The following UBE2E2 variants were observed in gnomAD, a reference collection of about 807,000 sequenced individuals.
UBE2E2 encodes ubiquitin-conjugating enzyme E2 E2.
In UBE2E2, 6 loss-of-function variants were observed where a neutral mutation model predicts 24.7. The ratio of observed to expected loss-of-function variants is 0.24; its 90% CI spans 0.13 to 0.48. The LOEUF is 0.48. Among genes scored for constraint, UBE2E2 ranks in the 20% least tolerant of loss-of-function variants. UBE2E2 has a pLI of 0.99. For missense variants in UBE2E2, 169 were observed against 245.0 expected (o/e 0.69, Z 2.07); for synonymous variants, 104 against 83.6 (o/e 1.24, Z -1.33).
chr3:23,471,545 A>C (rs1476885558), intron 3 of UBE2E2, among the ~76,000 whole-genome samples: 1 of 152,252 alleles, frequency 6.6e-6, no homozygotes, highest in Admixed American at 6.5e-5. Context: ...AGCCAATTAC[A>C]TAGCAACCAC....
At chr3:23,582,437 A>C (rs1327058093) in intron 5 of UBE2E2, among the ~76,000 whole-genome samples, 1 of 152,200 alleles carries the variant, frequency 6.6e-6, no homozygotes, top group Non-Finnish European at 1.5e-5. Flanking sequence ...TTGCTGGGTC[A>C]AATGGTAATT....
chr3:23,261,687 T>C (rs1482015167), intron 3 of UBE2E2, among the ~76,000 whole-genome samples: 1 of 152,220 alleles, frequency 6.6e-6, no homozygotes, highest in African/African-American at 2.4e-5. Flanking sequence ...TTCAACTGTT[T>C]TAGATTTCAT....
intron 3 of UBE2E2, among the ~76,000 whole-genome samples, chr3:23,409,441 C>T (rs1245128213): frequency 1.3e-5 from 2 of 152,182 alleles, no homozygotes; most frequent in African/African-American, 2.4e-5. Flanking sequence ...CTCATGACTA[C>T]TGCCTGATTA....
chr3:23,564,541 A>G (rs1696019138), intron 5 of UBE2E2, among the ~76,000 whole-genome samples: 1 of 152,188 alleles, frequency 6.6e-6, no homozygotes. Flanking sequence ...CCACCACACA[A>G]GCATTTTAAA....
chr3:23,461,611 A>G (rs1428072401), intron 3 of UBE2E2, among the ~76,000 whole-genome samples: 1 of 152,020 alleles, frequency 6.6e-6, no homozygotes, highest in African/African-American at 2.4e-5. Context: ...TTTCCTTTAT[A>G]CAGGTTTTTT....
At chr3:23,275,578 G>C (rs1203151070) in intron 3 of UBE2E2, among the ~76,000 whole-genome samples, 1 of 152,188 alleles carries the variant, frequency 6.6e-6, no homozygotes, top group Non-Finnish European at 1.5e-5. Context: ...TGACTTACCT[G>C]CTTTGTGGAC....
In UBE2E2 at chr3:23,258,810, G is replaced by T. The variant is rs527291498; in HGVS notation, c.227+41498G>T. 2.4e-3 allele frequency among the ~76,000 whole-genome samples: 350 copies of T among 148,086 alleles called. 2 individuals are homozygous for T. The Middle Eastern group carries it at 0.077, about 33-fold the overall frequency. The stretch of plus-strand genomic sequence containing the variant: ...CGGGAGGCTGAGGCAGGAGAATGGC[G>T]TGAACCCGGGAGGCGGAGCTTGCAT... On this transcript the variant is annotated intron_variant, in intron 3 of 5. Coordinates refer to ENST00000396703, the MANE Select transcript of UBE2E2 (RefSeq NM_152653.4).
intron 5 of UBE2E2, among the ~76,000 whole-genome samples, chr3:23,558,127 A>G (rs1270267503): frequency 1.3e-5 from 2 of 152,196 alleles, no homozygotes; most frequent in African/African-American, 4.8e-5. Flanking sequence ...CTAATGAGAT[A>G]AGTCCTCCAA....
intron 4 of UBE2E2, among the ~76,000 whole-genome samples, chr3:23,519,843 A>T (rs1374584293): frequency 6.8e-6 from 1 of 148,084 alleles, no homozygotes; most frequent in African/African-American, 2.5e-5. Context: ...TGCCCAGCTA[A>T]TTTTTTTTTT....
At chr3:23,241,354 T>C (rs1697254978) in intron 3 of UBE2E2, among the ~76,000 whole-genome samples, 1 of 152,210 alleles carries the variant, frequency 6.6e-6, no homozygotes, top group African/African-American at 2.4e-5. Flanking sequence ...TTCTATATAG[T>C]CTATTCTTAA....
At chr3:23,570,302 T>C (rs893235190) in intron 5 of UBE2E2, among the ~76,000 whole-genome samples, 60 of 152,108 alleles carry the variant, frequency 3.9e-4, no homozygotes, top group African/African-American at 1.4e-3. Flanking sequence ...GGGTAACAGG[T>C]GTCAAAATGC....
chr3:23,214,393 A>AT (rs1696416453), intron 2 of UBE2E2, among the ~76,000 whole-genome samples: 4 of 151,968 alleles, frequency 2.6e-5, no homozygotes, highest in African/African-American at 7.3e-5. Flanking sequence ...AACTGGGACT[A>AT]TAAGCACACA....
intron 3 of UBE2E2, among the ~76,000 whole-genome samples, chr3:23,382,520 C>T (rs756942897): frequency 1.3e-5 from 2 of 152,048 alleles, no homozygotes; most frequent in Admixed American, 1.3e-4. Context: ...ACTATATGAG[C>T]GTATTAATGG....
At chr3:23,378,672 A>G (rs1470609074) in intron 3 of UBE2E2, among the ~76,000 whole-genome samples, 1 of 146,040 alleles carries the variant, frequency 6.8e-6, no homozygotes, top group Non-Finnish European at 1.5e-5. Context: ...TTTTGAATTG[A>G]CAGCTTCCCT....
chr3:23,223,201 T>C (rs1696710335), intron 3 of UBE2E2, among the ~76,000 whole-genome samples: 1 of 150,782 alleles, frequency 6.6e-6, no homozygotes, highest in African/African-American at 2.4e-5. Flanking sequence ...TGTATTTTTT[T>C]TTTTTTTTTG....
intron 4 of UBE2E2, among the ~76,000 whole-genome samples, chr3:23,506,605 G>T (rs766831234): frequency 3.3e-4 from 50 of 152,012 alleles, no homozygotes; most frequent in Non-Finnish European, 6.0e-4. Flanking sequence ...TCTCCTATGT[G>T]GTCTTCCTGG....
At chr3:23,295,954 A>G (rs1698895873) in intron 3 of UBE2E2, among the ~76,000 whole-genome samples, 1 of 152,316 alleles carries the variant, frequency 6.6e-6, no homozygotes, top group East Asian at 1.9e-4. Flanking sequence ...ATTGAAATCT[A>G]AATAAACATG....
intron 3 of UBE2E2, among the ~76,000 whole-genome samples, chr3:23,254,210 T>A (rs1362858618): frequency 6.6e-6 from 1 of 152,246 alleles, no homozygotes; most frequent in East Asian, 1.9e-4. Context: ...AGACCTCTGC[T>A]TTAGTTGAAG....
chr3:23,587,453 T>A (rs1696651015), intron 5 of UBE2E2, among the ~76,000 whole-genome samples: 1 of 152,216 alleles, frequency 6.6e-6, no homozygotes, highest in Non-Finnish European at 1.5e-5. Context: ...GAGCCTTACC[T>A]TCATCAGTAA....
Sources: gnomAD v4.1 joint callset for allele counts (sites outside exome capture counted in the v4.1 genomes callset) on GRCh38, gnomAD v4.1.1 for gene constraint, MANE v1.5 for transcripts, NCBI Gene and HGNC (gene_info 2026-07-23, HGNC 2026-07-21) for gene names.